The following GRIK2 variants were observed in gnomAD, a reference collection of about 807,000 sequenced individuals.
The protein encoded by GRIK2 is glutamate ionotropic receptor kainate type subunit 2.
GRIK2 carries 32 observed loss-of-function variants against 100.3 expected under a neutral mutation model. The observed-to-expected ratio is 0.32, with a 90% CI of 0.24 to 0.43. GRIK2 has a LOEUF of 0.43. Among genes scored for constraint, GRIK2 ranks in the 20% least tolerant of loss-of-function variants. GRIK2 has a pLI of 1.00. For missense variants in GRIK2, 843 were observed against 1,114.9 expected (o/e 0.76, Z 3.47); for synonymous variants, 417 against 389.4 (o/e 1.07, Z -0.83).
chr6:102,041,081 C>A (rs916515466), intron 15 of GRIK2, among the ~76,000 whole-genome samples: 4 of 151,564 alleles, frequency 2.6e-5, no homozygotes, highest in African/African-American at 9.7e-5. Context: ...TTATATGTCA[C>A]TGAAAACATA....
chr6:101,437,759 G>A (rs563311212), intron 2 of GRIK2, among the ~76,000 whole-genome samples: 17 of 152,088 alleles, frequency 1.1e-4, no homozygotes, highest in South Asian at 4.2e-4. Flanking sequence ...ATCCTCGCCC[G>A]TAAAATAGGG....
At chr6:101,968,050 T>A (rs2128484930) in intron 14 of GRIK2, among the ~76,000 whole-genome samples, 1 of 151,922 alleles carries the variant, frequency 6.6e-6, no homozygotes, top group East Asian at 2.0e-4. Context: ...GTGACTTCAC[T>A]CAAAGATCCT....
chr6:102,049,538 A>AATAG (rs897053320), intron 15 of GRIK2, among the ~76,000 whole-genome samples: 2 of 152,136 alleles, frequency 1.3e-5, no homozygotes, highest in African/African-American at 2.4e-5. Flanking sequence ...TCTTTCCTTT[A>AATAG]ATAGATAGAT....
intron 7 of GRIK2, among the ~76,000 whole-genome samples, chr6:101,721,708 T>C (rs1293168532): frequency 1.3e-5 from 2 of 152,082 alleles, no homozygotes; most frequent in Non-Finnish European, 2.9e-5. Context: ...CTTTTAAAAC[T>C]ATACCACTTT....
chr6:101,800,631 T>C (rs950470421), intron 8 of GRIK2, among the ~76,000 whole-genome samples: 15 of 152,058 alleles, frequency 9.9e-5, no homozygotes, highest in Admixed American at 1.3e-4. Flanking sequence ...CATAATTAAG[T>C]ATCTCTGAAT....
At chr6:101,775,137 A>T (rs560314263) in intron 7 of GRIK2, among the ~76,000 whole-genome samples, 1 of 152,274 alleles carries the variant, frequency 6.6e-6, no homozygotes, top group East Asian at 1.9e-4. Flanking sequence ...GGAAACTCTT[A>T]TTGTTAAAAT....
At chr6:102,064,472 T>C (rs28541631) in intron 16 of GRIK2, among the ~76,000 whole-genome samples, 248 of 150,122 alleles carry the variant, frequency 1.7e-3, no homozygotes, top group Non-Finnish European at 2.4e-3. Context: ...CTCTCTCTCT[T>C]TCTTTCTCCA....
At chr6:101,463,719 TATC>T (rs1771466265) in intron 2 of GRIK2, among the ~76,000 whole-genome samples, 1 of 152,072 alleles carries the variant, frequency 6.6e-6, no homozygotes, top group Admixed American at 6.5e-5. Context: ...CTCTAATATC[TATC>T]ACACAGGTAG....
In GRIK2 at chr6:101,454,317, A is replaced by G. The variant is rs532888502; in HGVS notation, c.115+54925A>G. On this transcript the variant is annotated intron_variant, in intron 2 of 16. Transcript: ENST00000369134. ...TTGTTTATAATCATAGATTCTAGTG[A>G]TACTAGAATGATCTATGATTTATGG... 2.6e-5 allele frequency among the ~76,000 whole-genome samples: 4 copies of G among 152,246 alleles called. No individual in the cohort carries two copies. In the South Asian group the frequency reaches 8.3e-4, roughly 32 times the overall value.
At chr6:101,841,934 T>C (rs1783531809) in intron 10 of GRIK2, among the ~76,000 whole-genome samples, 2 of 152,068 alleles carry the variant, frequency 1.3e-5, no homozygotes, top group African/African-American at 4.8e-5. Context: ...AATGGAAAAA[T>C]GGAAGTCAGA....
rs547900154 is a variant in GRIK2 at position 102,013,351 on chromosome 6, T to C, written c.2086-21990T>C. On this transcript the variant is annotated intron_variant, in intron 14 of 16. Transcript: ENST00000369134. ...CTTTTGGGCTGAGAATGCAGAGCTTTCTAGATATAGAATCATGTCATCTAC... is the reference window on the plus strand; with the variant it reads ...CTTTTGGGCTGAGAATGCAGAGCTTCCTAGATATAGAATCATGTCATCTAC... Among the ~76,000 whole-genome samples, 6 of 152,312 alleles carry C rather than the reference T, an allele frequency of 3.9e-5. No homozygotes were observed. In the East Asian group the frequency reaches 9.7e-4, roughly 25 times the overall value.
chr6:101,931,468 T>A (rs1016908664), intron 14 of GRIK2, among the ~76,000 whole-genome samples: 14 of 152,158 alleles, frequency 9.2e-5, no homozygotes, highest in African/African-American at 3.4e-4. Flanking sequence ...GATACAGTTT[T>A]GTTACTACTA....
intron 2 of GRIK2, among the ~76,000 whole-genome samples, chr6:101,542,097 T>A (rs1053053738): frequency 6.6e-6 from 1 of 152,092 alleles, no homozygotes; most frequent in Non-Finnish European, 1.5e-5. Context: ...TTCTAAGGTG[T>A]TTTTACTGTT....
chr6:101,985,046 T>C (rs1033553918), intron 14 of GRIK2, among the ~76,000 whole-genome samples: 2 of 151,684 alleles, frequency 1.3e-5, no homozygotes, highest in African/African-American at 4.8e-5. Flanking sequence ...GAAAACTTAT[T>C]GCTATAAATT....
At chr6:101,686,403 C>G (rs1444402417) in intron 7 of GRIK2, 50 bp downstream of exon 7, 2 of 1,385,422 alleles carry the variant, frequency 1.4e-6, no homozygotes, top group Admixed American at 1.8e-5. Context: ...AATAGTATTG[C>G]ATACATATGA....
intron 3 of GRIK2, among the ~76,000 whole-genome samples, chr6:101,624,981 G>T (rs550907806): frequency 5.5e-4 from 84 of 152,162 alleles, no homozygotes; most frequent in African/African-American, 2.0e-3. Context: ...TGTTGCCCAG[G>T]CAGGTCTCGA....
At chr6:101,842,924 G>A (rs1022859467) in intron 10 of GRIK2, among the ~76,000 whole-genome samples, 6 of 152,056 alleles carry the variant, frequency 3.9e-5, no homozygotes, top group Non-Finnish European at 7.4e-5. Context: ...GTAGAGGATG[G>A]CAAACACTGG....
chr6:101,948,759 G>T (rs1791435105), intron 14 of GRIK2, among the ~76,000 whole-genome samples: 1 of 151,926 alleles, frequency 6.6e-6, no homozygotes, highest in Admixed American at 6.6e-5. Flanking sequence ...ACAGGGATGA[G>T]CCACTGTGCC....
chr6:101,822,951 G>C (rs575096957), intron 10 of GRIK2, among the ~76,000 whole-genome samples: 5 of 152,214 alleles, frequency 3.3e-5, no homozygotes, highest in African/African-American at 4.8e-5. Context: ...CATCTTGATT[G>C]ATAATTATTT....
Sources: gnomAD v4.1 joint callset for allele counts (sites outside exome capture counted in the v4.1 genomes callset) on GRCh38, gnomAD v4.1.1 for gene constraint, MANE v1.5 for transcripts, NCBI Gene and HGNC (gene_info 2026-07-23, HGNC 2026-07-21) for gene names.